The following PSMB4 variants were observed in gnomAD, a reference collection of about 807,000 sequenced individuals.
PSMB4 encodes proteasome 20S subunit beta 4.
In PSMB4, 16 loss-of-function variants were observed where a neutral mutation model predicts 35.2. The ratio of observed to expected loss-of-function variants is 0.45; its 90% CI spans 0.31 to 0.69. PSMB4 has a LOEUF of 0.69. PSMB4 is among the 30% of genes least tolerant of loss of function. The probability of loss-of-function intolerance (pLI) is 0.06; values close to 1 mark genes in which losing one functional copy is unlikely to be tolerated. For synonymous variants in PSMB4, 144 were observed against 134.1 expected (o/e 1.07, Z -0.51); for missense variants, 333 against 351.8 (o/e 0.95, Z 0.43).
At position 151,400,508 on chromosome 1, in the gene PSMB4, C is replaced by T. The variant is rs1652772736; in HGVS notation, c.414C>T (p.Thr138=). The T allele has an allele frequency of 1.2e-6, 2 of 1,614,010 alleles. No individual in the cohort carries two copies. The highest frequency in any genetic ancestry group is 1.1e-5 in the South Asian group (1 of 91,080). ...YSPRAIHSWL[T]RAMYSRRSKM... is the part of the protein sequence containing the mutation. Reference sequence around the variant, plus strand: ...CTAGAGCTATTCATTCATGGCTGACCAGGGCCATGTACAGCCGGCGCTCGA... The same window carrying T: ...CTAGAGCTATTCATTCATGGCTGACTAGGGCCATGTACAGCCGGCGCTCGA... The change falls in exon 3 of 7, where the codon ACC becomes ACT. Residue 138 remains threonine, a synonymous_variant. Transcript: ENST00000290541.
At position 151,400,006 on chromosome 1, in the gene PSMB4, G is replaced by C; in HGVS notation, c.166G>C (p.Val56Leu). Residue 56 changes from valine to leucine, a missense_variant, in exon 2 of 7, where the codon GTC becomes CTC. Transcript: ENST00000290541. ...GAACCCCATGGTGACCGGGACCTCA[G>C]TCCTCGGCGTTAAGTTCGAGGGCGG... ...TQNPMVTGTS[V>L]LGVKFEGGVV... is the part of the protein sequence containing the mutation. The C allele has an allele frequency of 6.2e-7, 1 of 1,614,010 alleles. No homozygotes were observed. Among genetic ancestry groups the C allele is most frequent in the Non-Finnish European group, 8.5e-7 (1 of 1,179,936 alleles).
In PSMB4 at chr1:151,401,928, T is replaced by C; in HGVS notation, c.*99T>C. 7.8e-7 allele frequency: 1 copy of C among 1,286,856 alleles called. No homozygotes were observed. The highest frequency in any genetic ancestry group is 1.1e-6 in the Non-Finnish European group (1 of 893,406). 79.7% of individuals were successfully genotyped at this position (1,286,856 alleles called of 1,614,324 possible). ...CTTCTTTTGTAAAGTAAATAAATTCTTCAAAATGCTTGCTGAGTGGTTTTT... is the reference window on the plus strand; with the variant it reads ...CTTCTTTTGTAAAGTAAATAAATTCCTCAAAATGCTTGCTGAGTGGTTTTT... On this transcript the variant is annotated 3_prime_UTR_variant, in exon 7 of 7. Transcript: ENST00000290541.
intron 4 of PSMB4, 114 bp from the exon 5 acceptor site, chr1:151,401,125 G>A: frequency 1.0e-6 from 1 of 959,558 alleles, no homozygotes; most frequent in Non-Finnish European, 1.6e-6. Context: ...ATTCTGGTGA[G>A]GCAAGAAGTA....
chr1:151,401,366 T>TGCTGGGAACCTAATTGGCGGGCTCTG lies in PSMB4; in HGVS notation c.693+15_693+40dup. On this transcript the variant is annotated intron_variant, in intron 5 of 6. Transcript: ENST00000290541. ...CGTTCTTACAACCGGGTGAGGGATGTGCTGGGAACCTAATTGGCGGGCTCT... is the reference window on the plus strand; with the variant it reads ...CGTTCTTACAACCGGGTGAGGGATGTGCTGGGAACCTAATTGGCGGGCTCTGGCTGGGAACCTAATTGGCGGGCTCT... 1 of 1,613,326 alleles carries TGCTGGGAACCTAATTGGCGGGCTCTG rather than the reference T, an allele frequency of 6.2e-7. No homozygotes were observed. The highest frequency in any genetic ancestry group is 1.1e-5 in the South Asian group (1 of 91,052).
intron 4 of PSMB4, 109 bp from the exon 5 acceptor site, chr1:151,401,130 G>A (rs572371530): frequency 1.0e-5 from 10 of 981,148 alleles, no homozygotes; most frequent in Admixed American, 9.3e-5. Flanking sequence ...GGTGAGGCAA[G>A]AAGTAGAATG....
intron 4 of PSMB4, 196 bp from the exon 5 acceptor site, chr1:151,401,043 A>T: frequency 1.3e-6 from 1 of 754,626 alleles, no homozygotes; most frequent in Non-Finnish European, 2.3e-6. Flanking sequence ...GGGAGTCAGT[A>T]GACATGCAAA....
Position 151,400,740 on chromosome 1 carries a change from T to C in PSMB4, c.495-24T>C, listed in dbSNP as rs961713727. On this transcript the variant is annotated intron_variant, in intron 3 of 6. Coordinates refer to ENST00000290541, the MANE Select transcript of PSMB4 (RefSeq NM_002796.3). The stretch of plus-strand genomic sequence containing the variant: ...TAAGATGAATCTAAGGTGAAATGAG[T>C]TTTGACCCATTGTGTCCTGTTAGCT... 6 of 1,613,596 alleles carry C rather than the reference T, an allele frequency of 3.7e-6. No homozygotes were observed. In the South Asian group the frequency reaches 5.5e-5, roughly 15 times the overall value.
Position 151,400,539 on chromosome 1 carries a change from A to T in PSMB4, c.445A>T (p.Asn149Tyr), listed in dbSNP as rs3209764. The T allele has an allele frequency of 3.7e-6, 6 of 1,614,192 alleles. No homozygotes were observed. The highest frequency in any genetic ancestry group is 5.1e-6 in the Non-Finnish European group (6 of 1,180,046). ...CATGTACAGCCGGCGCTCGAAGATG[A>T]ACCCTTTGTGGAACACCATGGTCAT... The part of the protein sequence containing the change: ...RAMYSRRSKM[N>Y]PLWNTMVIGG... Residue 149 changes from asparagine (N) to tyrosine (Y), a missense_variant, in exon 3 of 7, where the codon AAC becomes TAC. Transcript: ENST00000290541.
chr1:151,400,520 C>T lies in PSMB4; in HGVS notation c.426C>T (p.Tyr142=), dbSNP rs765179156. 2 of 1,614,110 alleles carry T rather than the reference C, an allele frequency of 1.2e-6. No individual in the cohort carries two copies. The highest frequency in any genetic ancestry group is 1.7e-5 in the Admixed American group (1 of 60,022). ...AIHSWLTRAM[Y]SRRSKMNPLW... ...ATTCATGGCTGACCAGGGCCATGTA[C>T]AGCCGGCGCTCGAAGATGAACCCTT... The change falls in exon 3 of 7, where the codon TAC becomes TAT. Residue 142 remains tyrosine (Y), a synonymous_variant. Transcript: ENST00000290541.
At chr1:151,401,131 A>G (rs911919328) in intron 4 of PSMB4, 108 bp from the exon 5 acceptor site, 2 of 982,266 alleles carry the variant, frequency 2.0e-6, no homozygotes, top group African/African-American at 3.2e-5. Flanking sequence ...GTGAGGCAAG[A>G]AGTAGAATGT....
At chr1:151,400,930 T>G (rs1159512366) in intron 4 of PSMB4, 85 bp downstream of exon 4, 1 of 1,357,486 alleles carries the variant, frequency 7.4e-7, no homozygotes, top group Middle Eastern at 2.0e-4. Flanking sequence ...GAAATTCTGA[T>G]ATGAGGGATG....
At chr1:151,401,731 G>GA (rs1652850566) in intron 6 of PSMB4, 86 bp from the exon 7 acceptor site, 2 of 1,556,728 alleles carry the variant, frequency 1.3e-6, no homozygotes, top group Non-Finnish European at 1.8e-6. Flanking sequence ...TTTCTGGGTG[G>GA]AAAGTTTTGG....
At position 151,399,817 on chromosome 1, in the gene PSMB4, G is replaced by A. The variant is rs1454991887; in HGVS notation, c.140+90G>A. 1.3e-5 allele frequency: 20 copies of A among 1,598,802 alleles called. No homozygotes were observed. The South Asian group carries it at 2.1e-4, about 17-fold the overall frequency. ...TTTTGAGAGCCCGGGAAGGTGAGGC[G>A]GGGACCCCGGGGGCGCGCGAACGGC... On this transcript the variant is annotated intron_variant, in intron 1 of 6. Transcript: ENST00000290541.
chr1:151,400,076 C>T lies in PSMB4; in HGVS notation c.236C>T (p.Ala79Val). ...ADMLGSYGSL[A>V]RFRNISRIMR... ...ATGCTGGGATCCTACGGCTCCTTGG[C>T]TCGTTTCCGCAACATCTCTCGCATT... Residue 79 changes from alanine to valine, a missense_variant, in exon 2 of 7, where the codon GCT becomes GTT. Coordinates refer to ENST00000290541, the MANE Select transcript of PSMB4 (RefSeq NM_002796.3). 6.2e-7 allele frequency: 1 copy of T among 1,614,120 alleles called. No individual in the cohort carries two copies. The highest frequency in any genetic ancestry group is 8.5e-7 in the Non-Finnish European group (1 of 1,180,016).
At position 151,401,538 on chromosome 1, in the gene PSMB4, C is replaced by A. The variant is rs148669878; in HGVS notation, c.694-4C>A. 2.5e-6 allele frequency: 4 copies of A among 1,607,046 alleles called. No individual in the cohort carries two copies. The African/African-American group carries it at 4.0e-5, about 16-fold the overall frequency. On this transcript the variant is annotated splice_region_variant and splice_polypyrimidine_tract_variant and intron_variant, in intron 5 of 6. Transcript: ENST00000290541. ...GCATTATTGAATGCTCTGCTTTCTT[C>A]CAGTTTCAAATCGCCACTGTCACCG...
chr1:151,401,804 C>T lies in PSMB4; in HGVS notation c.783-13C>T. 6.2e-7 allele frequency: 1 copy of T among 1,608,456 alleles called. No individual in the cohort carries two copies. Among genetic ancestry groups the T allele is most frequent in the Non-Finnish European group, 8.5e-7 (1 of 1,174,996 alleles). Reference sequence around the variant, plus strand: ...ATGCTTCACAATTTTATTATTCTGTCTTCCTTTTTTAGTGGCTTTGAATGA... The same window carrying T: ...ATGCTTCACAATTTTATTATTCTGTTTTCCTTTTTTAGTGGCTTTGAATGA... On this transcript the variant is annotated splice_polypyrimidine_tract_variant and intron_variant, in intron 6 of 6. Coordinates refer to ENST00000290541, the MANE Select transcript of PSMB4 (RefSeq NM_002796.3).
At position 151,399,584 on chromosome 1, in the gene PSMB4, T is replaced by A. The variant is rs763577923; in HGVS notation, c.-4T>A. 3.4e-5 allele frequency: 55 copies of A among 1,606,260 alleles called. 1 individual carries two copies. The Admixed American group carries it at 5.2e-4, about 15-fold the overall frequency. On this transcript the variant is annotated 5_prime_UTR_variant, in exon 1 of 7. Transcript: ENST00000290541. The stretch of plus-strand genomic sequence containing the variant: ...CTTTCATTTTTTCTGCTACCGTGAC[T>A]AAGATGGAAGCGTTTTTGGGGTCGC...
In PSMB4 at chr1:151,400,974, C is replaced by T. The variant is rs978854716; in HGVS notation, c.576+129C>T. Reference sequence around the variant, plus strand: ...TCGCTATTACTGGGCAGATGGTTTTCTTTGTAGTCTGGGGGCTGTAGGTGT... The same window carrying T: ...TCGCTATTACTGGGCAGATGGTTTTTTTTGTAGTCTGGGGGCTGTAGGTGT... On this transcript the variant is annotated intron_variant, in intron 4 of 6. Transcript: ENST00000290541. 15 of 992,288 alleles carry T rather than the reference C, an allele frequency of 1.5e-5. No homozygotes were observed. The African/African-American group carries it at 1.8e-4, about 12-fold the overall frequency. The allele number at this position is 992,288 out of a possible 1,614,324, so 61.5% of individuals were successfully genotyped here. A position where few individuals can be genotyped will look rare whatever the true frequency, so the allele number is the denominator to read the frequency against.
rs747034573 is a variant in PSMB4 at position 151,401,377 on chromosome 1, T to G, written c.693+22T>G. On this transcript the variant is annotated intron_variant, in intron 5 of 6. Coordinates refer to ENST00000290541, the MANE Select transcript of PSMB4 (RefSeq NM_002796.3). The stretch of plus-strand genomic sequence containing the variant: ...CCGGGTGAGGGATGTGCTGGGAACC[T>G]AATTGGCGGGCTCTGGCTACTTGCA... 2.5e-6 allele frequency: 4 copies of G among 1,610,756 alleles called. No homozygotes were observed. In the East Asian group the frequency reaches 8.9e-5, roughly 36 times the overall value.
Sources: allele counts gnomAD v4.1 joint callset, GRCh38; gene constraint gnomAD v4.1.1; transcripts MANE v1.5; gene names NCBI Gene and HGNC (gene_info 2026-07-23, HGNC 2026-07-21).